Variants in DPY19L2 observed in about 807,000 individuals in gnomAD.
DPY19L2 encodes the protein probable C-mannosyltransferase DPY19L2.
DPY19L2 carries 34 observed loss-of-function variants against 97.9 expected under a neutral mutation model. The observed-to-expected ratio is 0.35, with a 90% CI of 0.26 to 0.46. The LOEUF is 0.46. Among genes scored for constraint, DPY19L2 ranks in the 20% least tolerant of loss-of-function variants. DPY19L2 has a pLI of 1.00. For missense variants in DPY19L2, 623 were observed against 911.4 expected (o/e 0.68, Z 4.07); for synonymous variants, 230 against 307.9 (o/e 0.75, Z 2.65).
intron 19 of DPY19L2, among the ~76,000 whole-genome samples, chr12:63,579,589 C>T (rs947637311): frequency 2.4e-4 from 37 of 151,868 alleles, no homozygotes; most frequent in Non-Finnish European, 2.9e-5. Flanking sequence ...AAGAAAGACA[C>T]AAGAAAAGAT....
chr12:63,628,960 T>C (rs1408025105), intron 6 of DPY19L2, among the ~76,000 whole-genome samples: 1 of 151,932 alleles, frequency 6.6e-6, no homozygotes, highest in Non-Finnish European at 1.5e-5. Flanking sequence ...AAACAGGGTC[T>C]GGAGTGGACC....
intron 4 of DPY19L2, among the ~76,000 whole-genome samples, chr12:63,652,898 C>A (rs1396337364): frequency 1.3e-5 from 2 of 152,020 alleles, no homozygotes; most frequent in Non-Finnish European, 2.9e-5. Context: ...ATTCAGCAAA[C>A]CCACACATGT....
intron 4 of DPY19L2, among the ~76,000 whole-genome samples, chr12:63,652,533 A>C (rs1260976033): frequency 1.1e-4 from 17 of 152,224 alleles, no homozygotes; most frequent in Non-Finnish European, 1.9e-4. Context: ...AAATGCCATC[A>C]ATAGTGGAAC....
chr12:63,574,237 G>C (rs1243391631), intron 19 of DPY19L2, among the ~76,000 whole-genome samples: 1 of 151,934 alleles, frequency 6.6e-6, no homozygotes, highest in Non-Finnish European at 1.5e-5. Flanking sequence ...TATGCAATCA[G>C]TGTTGTCATC....
In DPY19L2 at chr12:63,600,384, T is replaced by C. The variant is rs755926481; in HGVS notation, c.1281A>G (p.Leu427=). The C allele has an allele frequency of 1.9e-6, 3 of 1,579,886 alleles. No homozygotes were observed. Among genetic ancestry groups the C allele is most frequent in the Non-Finnish European group, 2.6e-6 (3 of 1,152,156 alleles). ...KLGVSKLNFW[L]IQGSAWWCGT... is the part of the protein sequence containing the mutation. ...CACACCACCAGGCACTACCTTGAAT[T>C]AGCTAGAAAATAAAATAGAAGTCCA... Residue 427 remains leucine, a splice_region_variant and synonymous_variant, in exon 13 of 22, where the codon CTA becomes CTG. Transcript: ENST00000324472.
rs189872545 is a variant in DPY19L2, at chr12:63,641,368, C to T, written c.803+3035G>A. ...GCTCATAGATCTATTGTAAAAGGAACGTCCATGTAGTCGCCATATAATTAA... is the reference window on the plus strand; with the variant it reads ...GCTCATAGATCTATTGTAAAAGGAATGTCCATGTAGTCGCCATATAATTAA... On this transcript the variant is annotated intron_variant, in intron 6 of 21. Transcript: ENST00000324472. Among the ~76,000 whole-genome samples the T allele has an allele frequency of 1.6e-3, 237 of 152,028 alleles. 2 individuals carry two copies. Among genetic ancestry groups the T allele is most frequent in the Middle Eastern group, 3.4e-3 (1 of 294 alleles).
chr12:63,623,554 T>A (rs562110286), intron 8 of DPY19L2, among the ~76,000 whole-genome samples: 1 of 152,206 alleles, frequency 6.6e-6, no homozygotes, highest in South Asian at 2.1e-4. Context: ...ATCTAAAACC[T>A]GTAGCCTACA....
chr12:63,610,159 A>G (rs1241105002), intron 11 of DPY19L2, among the ~76,000 whole-genome samples: 4 of 152,014 alleles, frequency 2.6e-5, no homozygotes, highest in African/African-American at 9.6e-5. Context: ...ATATACATGT[A>G]ATAGTTATTA....
intron 12 of DPY19L2, among the ~76,000 whole-genome samples, chr12:63,604,141 C>G (rs893143186): frequency 2.0e-5 from 3 of 152,210 alleles, no homozygotes; most frequent in African/African-American, 7.2e-5. Context: ...ATATGTAATT[C>G]ATCTTGACAA....
At chr12:63,624,246 T>C in intron 7 of DPY19L2, 115 bp from the exon 8 acceptor site, 2 of 742,042 alleles carry the variant, frequency 2.7e-6, no homozygotes, top group Non-Finnish European at 4.7e-6. Context: ...ATCCCATTTC[T>C]GAGTGTCTGG....
chr12:63,609,119 C>T (rs1009847737), intron 11 of DPY19L2, among the ~76,000 whole-genome samples: 19 of 151,978 alleles, frequency 1.3e-4, no homozygotes, highest in African/African-American at 4.3e-4. Flanking sequence ...AGAACTTCTC[C>T]GATGCTAGAA....
At chr12:63,594,243 G>GT in intron 15 of DPY19L2, 110 bp from the exon 16 acceptor site, 1 of 793,854 alleles carries the variant, frequency 1.3e-6, no homozygotes, top group Non-Finnish European at 1.9e-6. Context: ...ATTTTTTAAT[G>GT]TTTAAGGGAG....
chr12:63,569,233 A>T lies in DPY19L2; in HGVS notation c.2117T>A (p.Val706Glu). The T allele has an allele frequency of 4.4e-6, 7 of 1,594,348 alleles. No homozygotes were observed. The highest frequency in any genetic ancestry group is 6.0e-6 in the Non-Finnish European group (7 of 1,173,466). The change falls in exon 21 of 22, where the codon GTG (valine) becomes GAG (glutamate). Residue 706 changes from valine (V) to glutamate (E), a missense_variant. By Grantham distance (121) the Val-to-Glu change is moderately radical. Transcript: ENST00000324472. ...YYVLEEAWCV[V>E]RTKPGCSMLE... ...TAGGGTTAATACTCACTTAGTTCTC[A>T]CAACACACCATGCCTCTTCTAAAAC...
At chr12:63,601,185 C>A in intron 12 of DPY19L2, among the ~76,000 whole-genome samples, 1 of 152,092 alleles carries the variant, frequency 6.6e-6, no homozygotes, top group Non-Finnish European at 1.5e-5. Context: ...AGCTGAAAAT[C>A]CATTTTTTAA....
rs190259404 is a variant in DPY19L2, at chr12:63,573,082, T to C, written c.1901-2225A>G. On this transcript the variant is annotated intron_variant, in intron 19 of 21. Coordinates refer to ENST00000324472, the MANE Select transcript of DPY19L2 (RefSeq NM_173812.5). ...AGCATCAAAACCATGCAGGAAAACATGACCTCACCAAACAAACTAAATAAG... is the reference window on the plus strand; with the variant it reads ...AGCATCAAAACCATGCAGGAAAACACGACCTCACCAAACAAACTAAATAAG... Among the ~76,000 whole-genome samples, 148 of 151,884 alleles carry C rather than the reference T, an allele frequency of 9.7e-4. 2 individuals are homozygous for C. The South Asian group carries it at 0.016, about 17-fold the overall frequency.
At chr12:63,612,863 C>T (rs768282801) in intron 11 of DPY19L2, among the ~76,000 whole-genome samples, 1 of 151,722 alleles carries the variant, frequency 6.6e-6, no homozygotes, top group Non-Finnish European at 1.5e-5. Flanking sequence ...ACTATAGATA[C>T]ATAAAAGAAA....
In DPY19L2 at chr12:63,583,754, T is replaced by C. The variant is rs1187969653; in HGVS notation, c.1605+58A>G. ...GCAGCAAGGTTATACCTTTGTCAAT[T>C]ATCCTCAAACTACAATTTAATACAC... is the stretch of plus-strand genomic sequence containing the variant. On this transcript the variant is annotated intron_variant, in intron 17 of 21. Coordinates refer to ENST00000324472, the MANE Select transcript of DPY19L2 (RefSeq NM_173812.5). 4 of 1,573,924 alleles carry C rather than the reference T, an allele frequency of 2.5e-6. No homozygotes were observed. In the Admixed American group the frequency reaches 5.1e-5, roughly 20 times the overall value.
chr12:63,643,899 G>A (rs942318484), intron 6 of DPY19L2, among the ~76,000 whole-genome samples: 1 of 152,076 alleles, frequency 6.6e-6, no homozygotes, highest in Admixed American at 6.6e-5. Flanking sequence ...TTAAGTGTGG[G>A]GGCAAAACAC....
intron 5 of DPY19L2, among the ~76,000 whole-genome samples, chr12:63,645,517 T>C (rs1364687748): frequency 6.6e-6 from 1 of 152,094 alleles, no homozygotes; most frequent in Non-Finnish European, 1.5e-5. Context: ...AGATAGCCAC[T>C]TGATGTCCCC....
Sources: allele counts gnomAD v4.1 joint callset (sites outside exome capture counted in the v4.1 genomes callset), GRCh38; gene constraint gnomAD v4.1.1; transcripts MANE v1.5; gene names NCBI Gene and HGNC (gene_info 2026-07-23, HGNC 2026-07-21).